IGF2: variants seen among roughly 807,000 people sequenced by gnomAD.
IGF2 encodes insulin like growth factor 2, also known as insulin-like growth factor 2.
In IGF2, 2 loss-of-function variants were observed where a neutral mutation model predicts 12.0. The ratio of observed to expected loss-of-function variants is 0.17; its 90% CI spans 0.07 to 0.52. The LOEUF (loss-of-function observed/expected upper bound fraction) is 0.52, where lower values mean the gene tolerates loss of function less well. Ranked by LOEUF, IGF2 falls within the 20% of genes least tolerant of loss-of-function variation. The probability of loss-of-function intolerance (pLI) is 0.95; values close to 1 mark genes in which losing one functional copy is unlikely to be tolerated. For missense variants in IGF2, 211 were observed against 268.0 expected, an observed-to-expected ratio of 0.79 and a Z score of 1.48; for synonymous variants, 105 against 110.1, an observed-to-expected ratio of 0.95 and a Z score of 0.29.
rs933175618 is a variant in IGF2, at chr11:2,130,000, C to G, written c.*2987G>C. 1 of 230,784 alleles carries G rather than the reference C, an allele frequency of 4.3e-6. No homozygotes were observed. The highest frequency in any genetic ancestry group is 2.2e-5 in the African/African-American group (1 of 45,272). The allele number at this position is 230,784 out of a possible 1,614,324, so 14.3% of individuals were successfully genotyped here. On this transcript the variant is annotated 3_prime_UTR_variant, in exon 4 of 4. Transcript: ENST00000416167. This position sits in a 1 kb window ranked among gnomAD's most constrained non-coding sequence, Gnocchi z 8.1. The stretch of plus-strand genomic sequence containing the variant: ...GACCTCCCTACTCCCCGGCCTCACC[C>G]CACCTTGCCCCCAAGAGGTCCCACA...
At position 2,133,404 on chromosome 11, in the gene IGF2, G is replaced by C; in HGVS notation, c.306+113C>G. The stretch of plus-strand genomic sequence containing the variant: ...CCCGGGCCACACAGCAAGCAAGGAA[G>C]TCACGGGTCCTTGTCCCTGGCCAAG... On this transcript the variant is annotated intron_variant, in intron 3 of 3. Coordinates refer to ENST00000416167, the MANE Select transcript of IGF2 (RefSeq NM_000612.6). This position sits in a 1 kb window ranked among gnomAD's most constrained non-coding sequence, Gnocchi z 8.9. 8.0e-7 allele frequency: 1 copy of C among 1,256,874 alleles called. No individual in the cohort carries two copies. The highest frequency in any genetic ancestry group is 1.5e-5 in the South Asian group (1 of 65,094). The allele number at this position is 1,256,874 out of a possible 1,614,324, so 77.9% of individuals were successfully genotyped here.
the IGF2 span, chr11:2,146,542 T>C: frequency 5.1e-6 from 2 of 395,612 alleles, no homozygotes; most frequent in Non-Finnish European, 1.0e-5. Context: ...GTGGGGGATA[T>C]GGGTCCAGGT....
chr11:2,133,553 G>A lies in IGF2; in HGVS notation c.270C>T (p.Ser90=), dbSNP rs373036890. The change falls in exon 3 of 4, where the codon TCC becomes TCT. Residue 90 remains serine (S), a synonymous_variant. Coordinates refer to ENST00000416167, the MANE Select transcript of IGF2 (RefSeq NM_000612.6). This position sits in a 1 kb window ranked among gnomAD's most constrained non-coding sequence, Gnocchi z 8.9. The part of the protein sequence containing the change: ...LETYCATPAK[S]ERDVSTPPTV... ...TCGGAGGGGTCGACACGTCCCTCTCGGACTTGGCGGGGGTAGCACAGTACG... is the reference window on the plus strand; with the variant it reads ...TCGGAGGGGTCGACACGTCCCTCTCAGACTTGGCGGGGGTAGCACAGTACG... The A allele has an allele frequency of 2.7e-4, 438 of 1,612,908 alleles. No homozygotes were observed. Among genetic ancestry groups the A allele is most frequent in the Non-Finnish European group, 3.5e-4 (411 of 1,179,914 alleles).
In IGF2 at chr11:2,133,020, GC is replaced by G; in HGVS notation, c.509del (p.Gly170AlafsTer30). 4.5e-6 allele frequency: 7 copies of G among 1,551,844 alleles called. No homozygotes were observed. Among genetic ancestry groups the G allele is most frequent in the Admixed American group, 2.0e-5 (1 of 49,624 alleles). ...GATTGCTGGCCATCTCTGGGGGGGC[GC>G]CCCCGTGGGCGGGGTCTTGGGTGGG... ...ALPTQDPAHG[G>X]APPEMASNRK On this transcript the variant is annotated frameshift_variant, in exon 4 of 4. Coordinates refer to ENST00000416167, the MANE Select transcript of IGF2 (RefSeq NM_000612.6). LOFTEE classifies it high-confidence loss of function. This position sits in a 1 kb window ranked among gnomAD's most constrained non-coding sequence, Gnocchi z 8.9.
upstream of IGF2, among the ~76,000 whole-genome samples, chr11:2,142,353 A>G (rs1244404816): frequency 1.3e-5 from 2 of 152,174 alleles, no homozygotes; most frequent in East Asian, 3.8e-4. This position sits in a 1 kb window ranked among gnomAD's most constrained non-coding sequence, Gnocchi z 5.7. Context: ...GAGTCCTTGG[A>G]GGACTTGGGG....
chr11:2,133,013 G>A lies in IGF2; in HGVS notation c.517C>T (p.Pro173Ser), dbSNP rs11545014. Residue 173 changes from proline to serine, a missense_variant, in exon 4 of 4, where the codon CCA (proline) becomes TCA (serine). Pro to Ser is a moderately conservative substitution (Grantham distance 74). Around this residue, in one of 3 missense-constraint regions of IGF2, gnomAD observed 141 missense variants for 153.1 expected, o/e 0.92. Coordinates refer to ENST00000416167, the MANE Select transcript of IGF2 (RefSeq NM_000612.6). This position sits in a 1 kb window ranked among gnomAD's most constrained non-coding sequence, Gnocchi z 8.9. ...TQDPAHGGAPPEMASNRK is the reference protein window; with the variant it reads ...TQDPAHGGAPSEMASNRK ...CACTTCCGATTGCTGGCCATCTCTG[G>A]GGGGGCGCCCCCGTGGGCGGGGTCT... 6.4e-6 allele frequency: 10 copies of A among 1,550,686 alleles called. No individual in the cohort carries two copies. Among genetic ancestry groups the A allele is most frequent in the Non-Finnish European group, 7.8e-6 (9 of 1,148,510 alleles).
rs544555994 is a variant in IGF2, at chr11:2,129,908, G to A, written c.*3079C>T. On this transcript the variant is annotated 3_prime_UTR_variant, in exon 4 of 4. Transcript: ENST00000416167. This position sits in a 1 kb window ranked among gnomAD's most constrained non-coding sequence, Gnocchi z 8.1. The stretch of plus-strand genomic sequence containing the variant: ...GGCATCACCAGACCCGTGGGCTCCG[G>A]GGCCCAAGCAACCTGGTCGATGGGC... 14 of 232,014 alleles carry A rather than the reference G, an allele frequency of 6.0e-5. No homozygotes were observed. Among genetic ancestry groups the A allele is most frequent in the African/African-American group, 2.6e-4 (12 of 45,342 alleles). 14.4% of individuals were successfully genotyped at this position (232,014 alleles called of 1,614,324 possible). A position where few individuals can be genotyped will look rare whatever the true frequency, so the allele number is the denominator to read the frequency against.
At chr11:2,147,972 C>A in the IGF2 span, 3 of 416,600 alleles carry the variant, frequency 7.2e-6, no homozygotes, top group South Asian at 4.0e-4. The surrounding 1 kb of genome is among the most constrained non-coding windows in gnomAD (Gnocchi z 7.2). Context: ...CCCTCCCCTG[C>A]CTAGAGCTCC....
At position 2,130,091 on chromosome 11, in the gene IGF2, G is replaced by A. The variant is rs1031786421; in HGVS notation, c.*2896C>T. 7.0e-5 allele frequency: 16 copies of A among 230,176 alleles called. No homozygotes were observed. The highest frequency in any genetic ancestry group is 3.1e-4 in the African/African-American group (14 of 45,128). 14.3% of individuals were successfully genotyped at this position (230,176 alleles called of 1,614,324 possible). A position where few individuals can be genotyped will look rare whatever the true frequency, so the allele number is the denominator to read the frequency against. On this transcript the variant is annotated 3_prime_UTR_variant, in exon 4 of 4. Transcript: ENST00000416167. ...GCGGGCAAGATGTCACCGAGGGAGA[G>A]GGGAGGGTTCCTCAAGTGTGCGGAA...
chr11:2,141,226 G>A (rs1456477295), upstream of IGF2: 1 of 153,814 alleles, frequency 6.5e-6, no homozygotes, highest in East Asian at 1.9e-4. Flanking sequence ...GCGGGGTTGG[G>A]GAAGCTGCAG....
intron 1 of IGF2, among the ~76,000 whole-genome samples, chr11:2,136,406 C>G (rs922073706): frequency 6.6e-6 from 1 of 152,254 alleles, no homozygotes; most frequent in Non-Finnish European, 1.5e-5. Flanking sequence ...CTGGGAAGTC[C>G]GACACCAGGT....
At chr11:2,140,575 C>A, upstream of IGF2, 1 of 487,254 alleles carries the variant, frequency 2.1e-6, no homozygotes, top group Admixed American at 3.3e-5. Flanking sequence ...CCGCGTCCCT[C>A]GCCCCAGCCC....
chr11:2,140,440 CT>C (rs780117455), upstream of IGF2: 26 of 723,476 alleles, frequency 3.6e-5, no homozygotes, highest in East Asian at 3.7e-4. Flanking sequence ...TCGCGCCCCC[CT>C]GGCCCCCCTC....
rs1032635046 is a variant in IGF2 at position 2,138,370 on chromosome 11, G to A, written c.-148C>T. On this transcript the variant is annotated 5_prime_UTR_variant, in exon 1 of 4. Transcript: ENST00000416167. ...GGCCGAATGTGCGACGGGGCAGAGCGGGGGGATGGCTTTTTTTTGGGGGGG... is the reference window on the plus strand; with the variant it reads ...GGCCGAATGTGCGACGGGGCAGAGCAGGGGGATGGCTTTTTTTTGGGGGGG... 2.1e-6 allele frequency: 2 copies of A among 955,888 alleles called. No homozygotes were observed. Among genetic ancestry groups the A allele is most frequent in the Non-Finnish European group, 2.5e-6 (2 of 804,950 alleles). 59.2% of individuals were successfully genotyped at this position (955,888 alleles called of 1,614,324 possible).
At position 2,138,414 on chromosome 11, in the gene IGF2, T is replaced by C. The variant is rs1859261337; in HGVS notation, c.-192A>G. ...GGGGGGGGGGGGAGAATTCGTCTGA[T>C]TGTCCAGGGAGGACGGGCTGTCTTC... On this transcript the variant is annotated 5_prime_UTR_variant, in exon 1 of 4. Coordinates refer to ENST00000416167, the MANE Select transcript of IGF2 (RefSeq NM_000612.6). 2.9e-6 allele frequency: 2 copies of C among 681,492 alleles called. No homozygotes were observed. The highest frequency in any genetic ancestry group is 3.6e-6 in the Non-Finnish European group (2 of 561,992). The allele number at this position is 681,492 out of a possible 1,614,324, so 42.2% of individuals were successfully genotyped here.
At chr11:2,149,496 C>A in the IGF2 span, 2 of 708,908 alleles carry the variant, frequency 2.8e-6, no homozygotes, top group African/African-American at 1.8e-5. Flanking sequence ...CACTCGTTTC[C>A]CTGAGCCCCT....
rs370432927 is a variant in IGF2, at chr11:2,133,705, G to A, written c.158-40C>T. ...GCACAGAGAGAGCCGTGTTAGCACCGCACTGACCCCAGCCCCCGGAGGCTG... is the reference window on the plus strand; with the variant it reads ...GCACAGAGAGAGCCGTGTTAGCACCACACTGACCCCAGCCCCCGGAGGCTG... On this transcript the variant is annotated intron_variant, in intron 2 of 3. Transcript: ENST00000416167. The surrounding 1 kb of genome is among the most constrained non-coding windows in gnomAD (Gnocchi z 8.9). 1.6e-5 allele frequency: 26 copies of A among 1,607,060 alleles called. No individual in the cohort carries two copies. Among genetic ancestry groups the A allele is most frequent in the East Asian group, 1.3e-4 (6 of 44,514 alleles).
chr11:2,145,362 C>T (rs1032047850), upstream of IGF2, among the ~76,000 whole-genome samples: 1 of 152,196 alleles, frequency 6.6e-6, no homozygotes, highest in African/African-American at 2.4e-5. Flanking sequence ...ACTAGGTTGC[C>T]GAGGCTCCCG....
At chr11:2,140,121 A>G (rs1359588406), upstream of IGF2, 1 of 1,610,394 alleles carries the variant, frequency 6.2e-7, no homozygotes, top group Non-Finnish European at 8.5e-7. Context: ...CGGGAAACAC[A>G]GCTCAAATCC....
Sources: allele counts gnomAD v4.1 joint callset (sites outside exome capture counted in the v4.1 genomes callset), GRCh38; gene constraint gnomAD v4.1.1; regional missense constraint gnomAD v4.1.1; non-coding constraint Gnocchi (gnomAD v3.1); transcripts MANE v1.5; gene names NCBI Gene and HGNC (gene_info 2026-07-23, HGNC 2026-07-21).